The following C16orf92 variants were observed in gnomAD, a reference collection of about 807,000 sequenced individuals.
The protein encoded by C16orf92 is fertilization-influencing membrane protein 1, also known as fertilization-influencing membrane protein.
In C16orf92, 14 loss-of-function variants were observed where a neutral mutation model predicts 13.7. The ratio of observed to expected loss-of-function variants is 1.02; its 90% CI spans 0.67 to 1.60. The LOEUF (loss-of-function observed/expected upper bound fraction) is 1.60, where lower values mean the gene tolerates loss of function less well. C16orf92 is among the 40% of genes most tolerant of loss of function. C16orf92 has a pLI of 0.00. For synonymous variants in C16orf92, 50 were observed against 57.4 expected (o/e 0.87, Z 0.58); for missense variants, 116 against 139.0 (o/e 0.83, Z 0.83).
downstream of C16orf92, among the ~76,000 whole-genome samples, chr16:30,027,436 G>A (rs1272529111): frequency 6.6e-6 from 1 of 152,202 alleles, no homozygotes; most frequent in Non-Finnish European, 1.5e-5. Flanking sequence ...GCCAAGGAAG[G>A]GACATGGGCG....
downstream of C16orf92, chr16:30,025,584 G>A (rs1043355875): frequency 1.3e-6 from 2 of 1,509,422 alleles, no homozygotes; most frequent in Admixed American, 1.7e-5. The surrounding 1 kb of genome is among the most constrained non-coding windows in gnomAD (Gnocchi z 4.1). Flanking sequence ...CACTTTGCCA[G>A]GACACAAGCA....
downstream of C16orf92, chr16:30,026,523 C>T (rs1041033398): frequency 1.1e-5 from 14 of 1,218,378 alleles, no homozygotes; most frequent in Non-Finnish European, 1.5e-5. Context: ...GTACGCAGAC[C>T]CGGGGCTTCC....
Position 30,023,387 on chromosome 16 carries a change from T to C in C16orf92, c.47T>C (p.Leu16Pro). 2 of 1,611,330 alleles carry C rather than the reference T, an allele frequency of 1.2e-6. No homozygotes were observed. The highest frequency in any genetic ancestry group is 1.7e-6 in the Non-Finnish European group (2 of 1,179,086). The change falls in exon 1 of 4, where the codon CTA (leucine) becomes CCA (proline). Residue 16 changes from leucine (L) to proline (P), a missense_variant. Leu to Pro is a moderately conservative substitution (Grantham distance 98, BLOSUM62 -3). Transcript: ENST00000681219. ...WVLVWVWLAA[L>P]GAIETAPRPK... ...CTGGTGTGGGTGTGGCTGGCTGCAC[T>C]AGGGGCCATAGAAACTGGTAAGAAG...
Position 30,023,804 on chromosome 16 carries a change from G to T in C16orf92, c.142G>T (p.Asp48Tyr), listed in dbSNP as rs753662753. The T allele has an allele frequency of 6.2e-7, 1 of 1,614,142 alleles. No individual in the cohort carries two copies. The highest frequency in any genetic ancestry group is 8.5e-7 in the Non-Finnish European group (1 of 1,180,024). Residue 48 changes from aspartate (D) to tyrosine (Y), a missense_variant, in exon 2 of 4, where the codon GAT becomes TAT. Physicochemically the swap from Asp to Tyr is radical, Grantham distance 160. Coordinates refer to ENST00000681219, the MANE Select transcript of C16orf92 (RefSeq NM_001109659.2). ...PRFLDRPDFF[D>Y]YPDSDQARLL... ...CTTCTTAGACAGACCTGACTTCTTCGATTATCCGGACTCAGACCAAGCCAG... is the reference window on the plus strand; with the variant it reads ...CTTCTTAGACAGACCTGACTTCTTCTATTATCCGGACTCAGACCAAGCCAG...
chr16:30,026,870 G>A (rs1041798418), downstream of C16orf92: 5 of 1,594,488 alleles, frequency 3.1e-6, no homozygotes, highest in Admixed American at 5.1e-5. Flanking sequence ...CGGGGTGGGG[G>A]AGCAAGGAGG....
In C16orf92 at chr16:30,024,396, G is replaced by T. The variant is rs1465717659; in HGVS notation, c.*169G>T. On this transcript the variant is annotated 3_prime_UTR_variant, in exon 4 of 4. Transcript: ENST00000681219. ...AAGCCCCCCACCTCCTCCCTTCCCA[G>T]CCCCAAAGAACTTGGTGGCAAGGGC... is the stretch of plus-strand genomic sequence containing the variant. 1.4e-5 allele frequency: 13 copies of T among 953,992 alleles called. No homozygotes were observed. Among genetic ancestry groups the T allele is most frequent in the Non-Finnish European group, 1.8e-5 (12 of 654,856 alleles). The allele number at this position is 953,992 out of a possible 1,614,324, so 59.1% of individuals were successfully genotyped here.
chr16:30,027,506 A>C, downstream of C16orf92: 1 of 448,766 alleles, frequency 2.2e-6, no homozygotes, highest in South Asian at 1.6e-5. Context: ...GAGAGGCATC[A>C]GAGACAGACC....
In C16orf92 at chr16:30,024,689, A is replaced by C; in HGVS notation, c.*462A>C. Reference sequence around the variant, plus strand: ...TCAAATTTGGGTAAATAAATAAAATAAATAAGATTCCTCAAGCTGGCCTAC... The same window carrying C: ...TCAAATTTGGGTAAATAAATAAAATCAATAAGATTCCTCAAGCTGGCCTAC... On this transcript the variant is annotated 3_prime_UTR_variant, in exon 4 of 4. Transcript: ENST00000681219. 1 of 185,362 alleles carries C rather than the reference A, an allele frequency of 5.4e-6. No individual in the cohort carries two copies. Among genetic ancestry groups the C allele is most frequent in the Non-Finnish European group, 1.1e-5 (1 of 90,410 alleles). 11.5% of individuals were successfully genotyped at this position (185,362 alleles called of 1,614,324 possible). A position where few individuals can be genotyped will look rare whatever the true frequency, so the allele number is the denominator to read the frequency against.
downstream of C16orf92, chr16:30,025,473 G>GAGACAC (rs1174977127): frequency 2.5e-6 from 4 of 1,611,468 alleles, no homozygotes; most frequent in East Asian, 2.2e-5. This position sits in a 1 kb window ranked among gnomAD's most constrained non-coding sequence, Gnocchi z 4.1. Context: ...TTGTACTGAG[G>GAGACAC]AGACACAGAC....
chr16:30,023,952 T>C (rs1388207185), intron 2 of C16orf92, 47 bp from the exon 3 acceptor site: 19 of 1,593,456 alleles, frequency 1.2e-5, no homozygotes, highest in Non-Finnish European at 1.6e-5. Flanking sequence ...CCCCAGACCC[T>C]TCATTGGGCC....
chr16:30,025,141 C>G (rs781681507), downstream of C16orf92: 31 of 1,294,294 alleles, frequency 2.4e-5, no homozygotes, highest in Middle Eastern at 2.7e-4. The surrounding 1 kb of genome is among the most constrained non-coding windows in gnomAD (Gnocchi z 4.1). Flanking sequence ...CCTGTCTCCA[C>G]GGGGGTGGGG....
downstream of C16orf92, chr16:30,025,654 A>C (rs759731882): frequency 3.3e-6 from 5 of 1,536,660 alleles, no homozygotes; most frequent in African/African-American, 1.4e-5. This position sits in a 1 kb window ranked among gnomAD's most constrained non-coding sequence, Gnocchi z 4.1. Context: ...AGCCCTTGGC[A>C]GCAACCTTGA....
At chr16:30,025,281 C>T, downstream of C16orf92, 2 of 1,547,596 alleles carry the variant, frequency 1.3e-6, no homozygotes, top group Non-Finnish European at 1.7e-6. This position sits in a 1 kb window ranked among gnomAD's most constrained non-coding sequence, Gnocchi z 4.1. Flanking sequence ...AGCTGAGGGG[C>T]CAGGAGCAGC....
At chr16:30,025,617 G>C (rs1298787427), downstream of C16orf92, 1 of 1,467,410 alleles carries the variant, frequency 6.8e-7, no homozygotes, top group East Asian at 2.3e-5. This position sits in a 1 kb window ranked among gnomAD's most constrained non-coding sequence, Gnocchi z 4.1. Context: ...AATGCACGGG[G>C]TGAGGGGGGG....
downstream of C16orf92, chr16:30,025,542 C>A (rs572870782): frequency 7.6e-6 from 12 of 1,582,658 alleles, no homozygotes; most frequent in African/African-American, 1.2e-4. The surrounding 1 kb of genome is among the most constrained non-coding windows in gnomAD (Gnocchi z 4.1). Flanking sequence ...TGCCTCCCTG[C>A]GACCCTAGCA....
downstream of C16orf92, chr16:30,024,739 C>G (rs1339777057): frequency 2.6e-5 from 5 of 189,338 alleles, no homozygotes; most frequent in African/African-American, 1.2e-4. Flanking sequence ...GTGGTTGCAG[C>G]CGGCCACTCG....
At chr16:30,025,249 G>A (rs1033956807), downstream of C16orf92, 15 of 1,534,904 alleles carry the variant, frequency 9.8e-6, no homozygotes. The surrounding 1 kb of genome is among the most constrained non-coding windows in gnomAD (Gnocchi z 4.1). Context: ...AGGCCCCACG[G>A]CAGATGAGGA....
chr16:30,025,148 G>C, downstream of C16orf92: 1 of 1,307,066 alleles, frequency 7.7e-7, no homozygotes, highest in South Asian at 1.6e-5. This position sits in a 1 kb window ranked among gnomAD's most constrained non-coding sequence, Gnocchi z 4.1. Flanking sequence ...CCACGGGGGT[G>C]GGGGTGGGGA....
At chr16:30,027,287 G>A, downstream of C16orf92, 1 of 413,650 alleles carries the variant, frequency 2.4e-6, no homozygotes. Context: ...GCCCATTCCT[G>A]CCTCCTGGGA....
Sources: allele counts gnomAD v4.1 joint callset (sites outside exome capture counted in the v4.1 genomes callset), GRCh38; gene constraint gnomAD v4.1.1; non-coding constraint Gnocchi (gnomAD v3.1); transcripts MANE v1.5; gene names NCBI Gene and HGNC (gene_info 2026-07-23, HGNC 2026-07-21).